The following ANKRD11 variants were observed in gnomAD, a reference collection of about 807,000 sequenced individuals.
ANKRD11 encodes the protein ankyrin repeat domain 11.
In ANKRD11, 17 loss-of-function variants were observed where a neutral mutation model predicts 195.7. The ratio of observed to expected loss-of-function variants is 0.09; its 90% confidence interval spans 0.06 to 0.13. The LOEUF (loss-of-function observed/expected upper bound fraction) is 0.13, where lower values mean the gene tolerates loss of function less well. Among genes scored for constraint, ANKRD11 ranks in the 10% least tolerant of loss-of-function variants. The probability of loss-of-function intolerance (pLI) is 1.00; values close to 1 mark genes in which losing one functional copy is unlikely to be tolerated. For synonymous variants in ANKRD11, 1,953 were observed against 1,528.1 expected, an observed-to-expected ratio of 1.28 and a Z score of -6.49; for missense variants, 3,735 against 3,566.1, an observed-to-expected ratio of 1.05 and a Z score of -1.21.
chr16:89,414,785 C>T (rs1027303418), intron 2 of ANKRD11, among the ~76,000 whole-genome samples: 5 of 152,074 alleles, frequency 3.3e-5, no homozygotes, highest in African/African-American at 9.7e-5. Context: ...AGCTGGGCAC[C>T]TAAGTCACGC....
intron 2 of ANKRD11, among the ~76,000 whole-genome samples, chr16:89,352,306 C>A (rs533343420): frequency 6.6e-6 from 1 of 151,876 alleles, no homozygotes; most frequent in Non-Finnish European, 1.5e-5. Flanking sequence ...TCACGCCACG[C>A]GGTGCAGAGC....
At chr16:89,274,627 T>G in intron 11 of ANKRD11, 187 bp downstream of exon 11, 1 of 857,198 alleles carries the variant, frequency 1.2e-6, no homozygotes, top group South Asian at 1.5e-5. Flanking sequence ...TGCTGTCTGC[T>G]GCAGCCTTCT....
chr16:89,420,484 T>C (rs2042467264), intron 1 of ANKRD11: 1 of 152,200 alleles, frequency 6.6e-6, no homozygotes, highest in African/African-American at 2.4e-5. Context: ...GTTTCCCATG[T>C]ATGAAGAAAC....
At chr16:89,294,195 G>A (rs534853046) in intron 4 of ANKRD11, among the ~76,000 whole-genome samples, 2 of 152,270 alleles carry the variant, frequency 1.3e-5, no homozygotes, top group African/African-American at 4.8e-5. Context: ...TCCCTTACGC[G>A]GCCAGGACAG....
At chr16:89,371,656 C>T (rs1390410780) in intron 2 of ANKRD11, among the ~76,000 whole-genome samples, 1 of 152,080 alleles carries the variant, frequency 6.6e-6, no homozygotes, top group Non-Finnish European at 1.5e-5. Context: ...GTGTGGAGGG[C>T]GATGCAGACT....
Position 89,281,117 on chromosome 16 carries a change from G to C in ANKRD11, c.5425C>G (p.Leu1809Val), listed in dbSNP as rs778741936. 6.2e-7 allele frequency: 1 copy of C among 1,612,182 alleles called. No individual in the cohort carries two copies. The highest frequency in any genetic ancestry group is 8.5e-7 in the Non-Finnish European group (1 of 1,178,366). The change falls in exon 9 of 13, where the codon CTC (leucine) becomes GTC (valine). Residue 1809 changes from leucine to valine, a missense_variant. Transcript: ENST00000301030. This position sits in a 1 kb window ranked among gnomAD's most constrained non-coding sequence, Gnocchi z 5.5. ...PEEEFSVGDK[L>V]FRQQSVPAAS... Reference sequence around the variant, plus strand: ...GCAGGAACGCTCTGCTGCCTGAAGAGCTTGTCTCCGACGCTGAATTCTTCC... The same window carrying C: ...GCAGGAACGCTCTGCTGCCTGAAGACCTTGTCTCCGACGCTGAATTCTTCC...
intron 1 of ANKRD11, among the ~76,000 whole-genome samples, chr16:89,428,544 T>C (rs1026934502): frequency 3.3e-5 from 5 of 151,010 alleles, no homozygotes. Context: ...GAATGAATGA[T>C]GAATGAATGA....
chr16:89,461,676 G>C (rs895636491), intron 1 of ANKRD11, among the ~76,000 whole-genome samples: 2 of 152,074 alleles, frequency 1.3e-5, no homozygotes, highest in Admixed American at 6.6e-5. Flanking sequence ...TACTAAACAA[G>C]GAAAAGCTCA....
chr16:89,435,830 ACACAC>A (rs929301920), intron 1 of ANKRD11, among the ~76,000 whole-genome samples: 3 of 150,920 alleles, frequency 2.0e-5, no homozygotes, highest in Admixed American at 6.6e-5. Flanking sequence ...ACACACACAC[ACACAC>A]GCTTTCGGTC....
At chr16:89,362,508 A>G (rs995724409) in intron 2 of ANKRD11, among the ~76,000 whole-genome samples, 4 of 152,384 alleles carry the variant, frequency 2.6e-5, no homozygotes, top group African/African-American at 9.6e-5. Context: ...CCATGTGTCC[A>G]GCACCAGAGA....
At chr16:89,355,798 C>A (rs1240533502) in intron 2 of ANKRD11, among the ~76,000 whole-genome samples, 8 of 152,206 alleles carry the variant, frequency 5.3e-5, no homozygotes, top group Non-Finnish European at 1.5e-5. Flanking sequence ...CGAGGCCCTG[C>A]CACGGCGGTT....
chr16:89,406,291 C>G (rs1399276674), intron 2 of ANKRD11, among the ~76,000 whole-genome samples: 1 of 152,102 alleles, frequency 6.6e-6, no homozygotes, highest in East Asian at 1.9e-4. Context: ...TGTCTCAGGC[C>G]AACGGCACTG....
chr16:89,277,568 G>A (rs1224781120), intron 9 of ANKRD11: 1 of 152,296 alleles, frequency 6.6e-6, no homozygotes, highest in African/African-American at 2.4e-5. Flanking sequence ...AGGTCTTACT[G>A]AGGAGAGATC....
intron 2 of ANKRD11, among the ~76,000 whole-genome samples, chr16:89,394,468 A>G (rs1255375255): frequency 6.6e-6 from 1 of 152,134 alleles, no homozygotes; most frequent in Non-Finnish European, 1.5e-5. Flanking sequence ...GTCTCTATTA[A>G]AATACAAAAA....
intron 2 of ANKRD11, among the ~76,000 whole-genome samples, chr16:89,401,600 A>T (rs1365894222): frequency 6.6e-6 from 1 of 152,102 alleles, no homozygotes; most frequent in African/African-American, 2.4e-5. Context: ...TACTGGTGTT[A>T]TGAGTTGAAA....
At position 89,291,572 on chromosome 16, in the gene ANKRD11, G is replaced by T; in HGVS notation, c.227-389C>A. The T allele has an allele frequency of 1.1e-6, 1 of 879,046 alleles. No individual in the cohort carries two copies. Among genetic ancestry groups the T allele is most frequent in the Non-Finnish European group, 1.6e-6 (1 of 608,522 alleles). The allele number at this position is 879,046 out of a possible 1,614,324, so 54.5% of individuals were successfully genotyped here. A position where few individuals can be genotyped will look rare whatever the true frequency, so the allele number is the denominator to read the frequency against. ...AGGTCTCTGTTCAATACACGTGTCT[G>T]TAATTCAATTCCACCTTCCCCGTCC... On this transcript the variant is annotated intron_variant, in intron 4 of 12. Coordinates refer to ENST00000301030, the MANE Select transcript of ANKRD11 (RefSeq NM_013275.6). This position sits in a 1 kb window ranked among gnomAD's most constrained non-coding sequence, Gnocchi z 5.3.
chr16:89,352,867 CCTCTTTTCT>C (rs1254515744), intron 2 of ANKRD11, among the ~76,000 whole-genome samples: 2 of 152,214 alleles, frequency 1.3e-5, no homozygotes, highest in African/African-American at 2.4e-5. Context: ...TTGTCCTTTC[CCTCTTTTCT>C]CTCACGGCTT....
At chr16:89,352,511 G>A (rs2039269352) in intron 2 of ANKRD11, among the ~76,000 whole-genome samples, 1 of 152,126 alleles carries the variant, frequency 6.6e-6, no homozygotes, top group Admixed American at 6.5e-5. Context: ...CAGAGCTTCT[G>A]GCAAGCTCAA....
chr16:89,280,025 C>T lies in ANKRD11; in HGVS notation c.6517G>A (p.Val2173Ile), dbSNP rs764262189. The change falls in exon 9 of 13, where the codon GTC (valine) becomes ATC (isoleucine). Residue 2173 changes from valine (V) to isoleucine (I), a missense_variant. Transcript: ENST00000301030. Reference protein sequence around the residue: ...PEEMPPGAPGVINGGDVSTVV... With the variant: ...PEEMPPGAPGIINGGDVSTVV... ...GTGGAAACATCCCCACCGTTTATGA[C>T]CCCGGGGGCCCCTGGAGGCATCTCT... 1 of 1,612,716 alleles carries T rather than the reference C, an allele frequency of 6.2e-7. No individual in the cohort carries two copies. The highest frequency in any genetic ancestry group is 8.5e-7 in the Non-Finnish European group (1 of 1,179,940).
Sources: allele counts gnomAD v4.1 joint callset (sites outside exome capture counted in the v4.1 genomes callset), GRCh38; gene constraint gnomAD v4.1.1; non-coding constraint Gnocchi (gnomAD v3.1); transcripts MANE v1.5; gene names NCBI Gene and HGNC (gene_info 2026-07-23, HGNC 2026-07-21).